Variants in SBF2 observed in about 807,000 individuals in gnomAD.
SBF2 encodes SET binding factor 2.
SBF2 carries 112 observed loss-of-function variants against 225.2 expected under a neutral mutation model. That is an observed-to-expected ratio of 0.50 (90% confidence interval 0.43 to 0.58). SBF2 has a LOEUF of 0.58. Ranked by LOEUF, SBF2 falls within the 20% of genes least tolerant of loss-of-function variation. SBF2 has a pLI of 0.00. For missense variants in SBF2, 1,996 were observed against 2,206.2 expected, an observed-to-expected ratio of 0.90 and a Z score of 1.91; for synonymous variants, 763 against 773.3, an observed-to-expected ratio of 0.99 and a Z score of 0.22.
chr11:9,885,557 T>C (rs1291779720), intron 17 of SBF2, among the ~76,000 whole-genome samples: 1 of 152,136 alleles, frequency 6.6e-6, no homozygotes, highest in East Asian at 1.9e-4. Flanking sequence ...TCTTACTGGT[T>C]CTGAGAAAAA....
intron 1 of SBF2, among the ~76,000 whole-genome samples, chr11:10,270,308 T>C (rs1276536581): frequency 6.6e-6 from 1 of 152,142 alleles, no homozygotes; most frequent in Non-Finnish European, 1.5e-5. Context: ...GCCTTACAGA[T>C]AACATAAATG....
intron 32 of SBF2, among the ~76,000 whole-genome samples, chr11:9,798,380 G>C (rs899940120): frequency 6.6e-6 from 1 of 152,176 alleles, no homozygotes; most frequent in African/African-American, 2.4e-5. Flanking sequence ...GTGATGGAGA[G>C]GGGGGTTACT....
At chr11:10,172,371 G>A (rs942821363) in intron 2 of SBF2, among the ~76,000 whole-genome samples, 14 of 148,930 alleles carry the variant, frequency 9.4e-5, no homozygotes, top group East Asian at 2.0e-4. Flanking sequence ...TTTTTTTTTT[G>A]AGAAGGAGTC....
chr11:9,851,481 G>A (rs185798900), intron 21 of SBF2, among the ~76,000 whole-genome samples: 17 of 152,128 alleles, frequency 1.1e-4, no homozygotes, highest in East Asian at 1.9e-4. Flanking sequence ...CCTTGGCCAC[G>A]TAATGAACAT....
Position 9,829,356 on chromosome 11 carries a change from C to A in SBF2, c.3793G>T (p.Gly1265Cys). The A allele has an allele frequency of 1.2e-6, 2 of 1,614,016 alleles. No individual in the cohort carries two copies. The highest frequency in any genetic ancestry group is 8.5e-7 in the Non-Finnish European group (1 of 1,179,960). ...GAAGAAAAGTATTATCAAATCTTAC[C>A]TGGAGATAGAGCAAAGGCTGGCCTG... ...TVRPAFALSP[G>C]VWASLRSSTR... The change falls in exon 28 of 40, where the codon GGT becomes TGT. Residue 1265 changes from glycine (G) to cysteine (C), a missense_variant and splice_region_variant. Transcript: ENST00000256190.
chr11:9,974,489 T>G (rs1480459067), intron 13 of SBF2, among the ~76,000 whole-genome samples: 1 of 151,848 alleles, frequency 6.6e-6, no homozygotes, highest in Non-Finnish European at 1.5e-5. Context: ...GATAGAGATT[T>G]CCTATTCTAA....
chr11:9,996,683 C>T (rs1947719531), intron 9 of SBF2, among the ~76,000 whole-genome samples: 1 of 152,220 alleles, frequency 6.6e-6, no homozygotes, highest in Non-Finnish European at 1.5e-5. Flanking sequence ...GCCACCGCAC[C>T]CTGCCAAACT....
intron 2 of SBF2, among the ~76,000 whole-genome samples, chr11:10,108,776 T>G (rs901656695): frequency 6.6e-5 from 10 of 151,358 alleles, no homozygotes; most frequent in African/African-American, 1.9e-4. Context: ...CGCCCGCCTC[T>G]GCCTCCCAAA....
intron 2 of SBF2, among the ~76,000 whole-genome samples, chr11:10,139,937 C>T (rs755919182): frequency 4.6e-5 from 7 of 152,124 alleles, no homozygotes; most frequent in Admixed American, 2.0e-4. Context: ...AGATGCTATC[C>T]GGAGACTCAG....
upstream of SBF2, among the ~76,000 whole-genome samples, chr11:10,298,387 C>T (rs575735043): frequency 7.9e-5 from 12 of 151,978 alleles, no homozygotes; most frequent in African/African-American, 1.9e-4. Context: ...GTGAAACTCC[C>T]GTTCAAAAAA....
In SBF2 at chr11:9,780,184, T is replaced by A; in HGVS notation, c.*234A>T. The stretch of plus-strand genomic sequence containing the variant: ...TTCTGATCATTAACCACTAAGACCC[T>A]GTTAGAAAAATTTAGTGCAAGATAC... On this transcript the variant is annotated 3_prime_UTR_variant, in exon 40 of 40. Transcript: ENST00000256190. The A allele has an allele frequency of 1.9e-6, 1 of 540,464 alleles. No homozygotes were observed. Among genetic ancestry groups the A allele is most frequent in the South Asian group, 1.9e-5 (1 of 51,298 alleles). The allele number at this position is 540,464 out of a possible 1,614,324, so 33.5% of individuals were successfully genotyped here. A position where few individuals can be genotyped will look rare whatever the true frequency, so the allele number is the denominator to read the frequency against.
intron 2 of SBF2, among the ~76,000 whole-genome samples, chr11:10,052,232 CTGTGCCCTCCTTTT>C (rs1950091572): frequency 6.6e-6 from 1 of 151,970 alleles, no homozygotes; most frequent in Non-Finnish European, 1.5e-5. Flanking sequence ...TGACCTAACA[CTGTGCCCTCCTTTT>C]TTCAAGTCAC....
intron 26 of SBF2, among the ~76,000 whole-genome samples, chr11:9,836,037 G>C (rs1855716932): frequency 6.6e-6 from 1 of 152,108 alleles, no homozygotes; most frequent in Non-Finnish European, 1.5e-5. Flanking sequence ...TAAATGTTTA[G>C]ACAGCATTAG....
exon 1 of SBF2, chr11:10,304,596 G>A (rs528911538): frequency 3.5e-5 from 5 of 143,178 alleles, no homozygotes; most frequent in Non-Finnish European, 6.1e-5. Context: ...CGGGAGTCTG[G>A]GGTCGCGGCC....
At chr11:10,157,872 C>G (rs1955547446) in intron 2 of SBF2, among the ~76,000 whole-genome samples, 1 of 152,112 alleles carries the variant, frequency 6.6e-6, no homozygotes, top group Non-Finnish European at 1.5e-5. Context: ...ACATTCCACC[C>G]AACAACAGAA....
intron 16 of SBF2, among the ~76,000 whole-genome samples, chr11:9,915,197 C>CAGTGGCT (rs1479067975): frequency 3.9e-5 from 6 of 151,990 alleles, no homozygotes; most frequent in Admixed American, 3.9e-4. Flanking sequence ...GCCTGTAATC[C>CAGTGGCT]CAGCACTTTG....
chr11:10,136,647 G>A (rs961344989), intron 2 of SBF2, among the ~76,000 whole-genome samples: 1 of 152,180 alleles, frequency 6.6e-6, no homozygotes, highest in Admixed American at 6.5e-5. Flanking sequence ...TGGGAGGTAA[G>A]GTACTCTTGT....
At chr11:9,904,175 A>C (rs1387924424) in intron 16 of SBF2, among the ~76,000 whole-genome samples, 2 of 152,222 alleles carry the variant, frequency 1.3e-5, no homozygotes, top group African/African-American at 4.8e-5. Context: ...ACTGAATCTA[A>C]AAACAGAATC....
intron 13 of SBF2, among the ~76,000 whole-genome samples, chr11:9,979,876 C>G (rs115388336): frequency 6.7e-5 from 10 of 148,866 alleles, no homozygotes; most frequent in African/African-American, 2.5e-4. Context: ...GTGGCTCAAT[C>G]ATAGCTTACT....
Sources: allele counts gnomAD v4.1 joint callset (sites outside exome capture counted in the v4.1 genomes callset), GRCh38; gene constraint gnomAD v4.1.1; transcripts MANE v1.5; gene names NCBI Gene and HGNC (gene_info 2026-07-23, HGNC 2026-07-21).